Variants in NEBL observed in about 807,000 individuals in gnomAD.
NEBL encodes LIM and SH3 protein 2.
A neutral mutation model predicts 140.2 loss-of-function variants in NEBL; 122 were observed. That is an observed-to-expected ratio of 0.87 (90% confidence interval 0.75 to 1.01). The LOEUF (loss-of-function observed/expected upper bound fraction) is 1.01. Ranked by LOEUF, NEBL falls within the 50% of genes least tolerant of loss-of-function variation. The pLI, the probability that NEBL is intolerant of heterozygous loss-of-function variation, is 0.00. For synonymous variants in NEBL, 436 were observed against 398.9 expected (o/e 1.09, Z -1.11); for missense variants, 1,365 against 1,231.3 (o/e 1.11, Z -1.62).
At chr10:21,254,971 A>G (rs1245794520) in intron 1 of NEBL, among the ~76,000 whole-genome samples, 2 of 152,204 alleles carry the variant, frequency 1.3e-5, no homozygotes, top group Non-Finnish European at 2.9e-5. Context: ...CATTAGCCAC[A>G]CATAGTGTGT....
intron 3 of NEBL, among the ~76,000 whole-genome samples, chr10:20,991,304 A>G (rs1208665077): frequency 6.6e-6 from 1 of 152,126 alleles, no homozygotes; most frequent in East Asian, 1.9e-4. Flanking sequence ...AAAAATGTTG[A>G]AAAATTATCT....
Position 20,813,942 on chromosome 10 carries a change from T to A in NEBL, c.2343A>T (p.Ser781=). The change falls in exon 23 of 28, where the codon TCA becomes TCT. Residue 781 remains serine, a synonymous_variant. Transcript: ENST00000377122. ...RHVKEAQNHI[S]MVKYHEDFEK... ...GAATGATCTGGTTGGACCCTACCATTGAAATATGATTTTGTGCTTCTTTAA... is the reference window on the plus strand; with the variant it reads ...GAATGATCTGGTTGGACCCTACCATAGAAATATGATTTTGTGCTTCTTTAA... The A allele has an allele frequency of 2.5e-6, 4 of 1,579,354 alleles. No homozygotes were observed. The highest frequency in any genetic ancestry group is 3.5e-6 in the Non-Finnish European group (4 of 1,148,548).
At position 21,107,597 on chromosome 10, in the gene NEBL, G is replaced by A. The variant is rs149301475; in HGVS notation, c.164+64786C>T. On this transcript the variant is annotated intron_variant, in intron 2 of 6. Coordinates refer to the NEBL transcript ENST00000417816. ...GTATTTTATTGAGGATTTTTGCATC[G>A]ATGTTCATCAAGGATATTGGCCTAA... 7.5e-3 allele frequency among the ~76,000 whole-genome samples: 1,139 copies of A among 152,208 alleles called. 16 individuals carry two copies. Among genetic ancestry groups the A allele is most frequent in the African/African-American group, 0.025 (1,048 of 41,550 alleles).
At chr10:20,930,718 T>G (rs530551108) in intron 4 of NEBL, among the ~76,000 whole-genome samples, 43 of 152,266 alleles carry the variant, frequency 2.8e-4, no homozygotes, top group Admixed American at 1.0e-3. Flanking sequence ...TACTTAGACA[T>G]GAGCCACATA....
At chr10:21,120,389 A>AAAAC (rs1306843221) in intron 2 of NEBL, among the ~76,000 whole-genome samples, 6 of 63,044 alleles carry the variant, frequency 9.5e-5, no homozygotes, top group East Asian at 9.7e-4. Context: ...AAAAAAAAAA[A>AAAAC]ATACATATAT....
chr10:21,067,732 T>A (rs914753869), intron 2 of NEBL, among the ~76,000 whole-genome samples: 16 of 152,066 alleles, frequency 1.1e-4, no homozygotes, highest in African/African-American at 3.6e-4. Context: ...ATCCCAGCAC[T>A]TTGGGAGGCT....
chr10:21,228,803 G>A (rs541943827), intron 3 of NEBL, among the ~76,000 whole-genome samples: 25 of 152,252 alleles, frequency 1.6e-4, no homozygotes, highest in Non-Finnish European at 3.5e-4. Flanking sequence ...CCCAACTGCA[G>A]GCCTGTTACA....
chr10:20,920,578 A>G (rs1278945572), intron 4 of NEBL, among the ~76,000 whole-genome samples: 1 of 152,240 alleles, frequency 6.6e-6, no homozygotes, highest in African/African-American at 2.4e-5. Flanking sequence ...GAAAGAATAT[A>G]TGCTATATGA....
intron 2 of NEBL, among the ~76,000 whole-genome samples, chr10:21,251,414 C>A (rs1842587449): frequency 6.6e-6 from 1 of 152,116 alleles, no homozygotes; most frequent in Non-Finnish European, 1.5e-5. Context: ...AGGTCAATCT[C>A]TTTCAGATGA....
At chr10:20,813,914 T>A (rs1231901437) in intron 23 of NEBL, 25 bp downstream of exon 23, 1 of 1,433,340 alleles carries the variant, frequency 7.0e-7, no homozygotes, top group African/African-American at 1.4e-5. Context: ...TAGCATGTTT[T>A]AAGAATGATC....
chr10:21,093,346 A>G (rs147322727), intron 2 of NEBL, among the ~76,000 whole-genome samples: 2 of 151,978 alleles, frequency 1.3e-5, no homozygotes, highest in Non-Finnish European at 2.9e-5. Context: ...ACAAAATTTT[A>G]TAGGTGAGAA....
chr10:21,011,805 C>T (rs1838350748), intron 3 of NEBL, among the ~76,000 whole-genome samples: 1 of 152,218 alleles, frequency 6.6e-6, no homozygotes, highest in South Asian at 2.1e-4. Context: ...TACTCCCCAC[C>T]TGCACATCCA....
chr10:20,812,806 G>C lies in NEBL; in HGVS notation c.2481C>G (p.His827Gln), dbSNP rs1267205282. ...CAGGTCTCCTGTCCATCTCCACGAT[G>C]TGAGGGTGGACCCCTTTATAGGCAG... ...SDAAYKGVHP[H>Q]IVEMDRRPGI... Residue 827 changes from histidine to glutamine, a missense_variant, in exon 24 of 28, where the codon CAC (histidine) becomes CAG (glutamine). This residue lies in a region of NEBL where 1,323 missense variants were observed against 1,154.8 expected (regional missense o/e 1.15). Transcript: ENST00000377122. The C allele has an allele frequency of 6.2e-7, 1 of 1,613,992 alleles. No homozygotes were observed. The highest frequency in any genetic ancestry group is 1.6e-4 in the Middle Eastern group (1 of 6,062).
At chr10:20,788,093 G>A (rs150232879) in intron 26 of NEBL, among the ~76,000 whole-genome samples, 11 of 152,190 alleles carry the variant, frequency 7.2e-5, no homozygotes, top group East Asian at 5.8e-4. Context: ...TGAAGAACTC[G>A]GAATTCTAGA....
In NEBL at chr10:20,817,596, A is replaced by G. The variant is rs193163659; in HGVS notation, c.2148+4T>C. On this transcript the variant is annotated splice_donor_region_variant and intron_variant, in intron 21 of 27. Coordinates refer to ENST00000377122, the MANE Select transcript of NEBL (RefSeq NM_006393.3). ...TAAGAAAAAAGTTACTAAGATGATC[A>G]CACATTGCTGATGTTTTTCTGGTTT... The G allele has an allele frequency of 1.9e-4, 301 of 1,604,728 alleles. 1 individual carries two copies. The highest frequency in any genetic ancestry group is 1.0e-3 in the Admixed American group (61 of 60,008).
At chr10:20,821,657 C>T (rs192889805) in intron 19 of NEBL, among the ~76,000 whole-genome samples, 39 of 152,298 alleles carry the variant, frequency 2.6e-4, no homozygotes, top group South Asian at 8.3e-4. Context: ...AATTTAATCA[C>T]GAAGTCAACT....
intron 3 of NEBL, among the ~76,000 whole-genome samples, chr10:21,197,472 A>G (rs1226618013): frequency 2.0e-5 from 3 of 152,220 alleles, no homozygotes; most frequent in African/African-American, 7.2e-5. Flanking sequence ...CTGGAGTGAG[A>G]TAAAGAGAAA....
At position 20,787,207 on chromosome 10, in the gene NEBL, T is replaced by G; in HGVS notation, c.2863A>C (p.Asn955His). 6.2e-7 allele frequency: 1 copy of G among 1,608,026 alleles called. No individual in the cohort carries two copies. Among genetic ancestry groups the G allele is most frequent in the Middle Eastern group, 1.7e-4 (1 of 6,050 alleles). ...SSMRSMQHSP[N>H]LRTYRAMYDY... ...CGTATCAAATGGACACTTACTAGATTTGGTGAATGCTGCATTGATCTCATG... is the reference window on the plus strand; with the variant it reads ...CGTATCAAATGGACACTTACTAGATGTGGTGAATGCTGCATTGATCTCATG... The change falls in exon 27 of 28, where the codon AAT (asparagine) becomes CAT (histidine). Residue 955 changes from asparagine (N) to histidine (H), a missense_variant. Coordinates refer to ENST00000377122, the MANE Select transcript of NEBL (RefSeq NM_006393.3).
chr10:21,054,879 C>G (rs916355559), intron 2 of NEBL, among the ~76,000 whole-genome samples: 5 of 152,030 alleles, frequency 3.3e-5, no homozygotes, highest in African/African-American at 9.7e-5. Flanking sequence ...AGTTAATTAC[C>G]CAGGCACTGC....
Sources: gnomAD v4.1 joint callset for allele counts (sites outside exome capture counted in the v4.1 genomes callset) on GRCh38, gnomAD v4.1.1 for gene constraint, gnomAD v4.1.1 regional missense constraint, MANE v1.5 for transcripts, NCBI Gene and HGNC (gene_info 2026-07-23, HGNC 2026-07-21) for gene names.